Variants in RBFOX1 observed in about 807,000 individuals in gnomAD.
RBFOX1 encodes RNA binding protein fox-1 homolog 1.
RBFOX1 carries 8 observed loss-of-function variants against 57.7 expected under a neutral mutation model. That is an observed-to-expected ratio of 0.14 (90% CI 0.08 to 0.25). RBFOX1 has a LOEUF of 0.25. RBFOX1 is among the 10% of genes least tolerant of loss of function. The pLI is 1.00. For missense variants in RBFOX1, 611 were observed against 548.5 expected, an observed-to-expected ratio of 1.11 and a Z score of -1.14; for synonymous variants, 326 against 222.4, an observed-to-expected ratio of 1.47 and a Z score of -4.15.
At chr16:5,637,230 A>G (rs1258803941) in intron 3 of RBFOX1, among the ~76,000 whole-genome samples, 1 of 152,246 alleles carries the variant, frequency 6.6e-6, no homozygotes, top group East Asian at 1.9e-4. Context: ...TAGGCTTTCA[A>G]GCAGCCTCCA....
intron 1 of RBFOX1, among the ~76,000 whole-genome samples, chr16:5,365,623 C>T (rs1477314542): frequency 6.6e-6 from 1 of 152,106 alleles, no homozygotes; most frequent in Non-Finnish European, 1.5e-5. Flanking sequence ...GAGCCGATAT[C>T]GTGCACTGTA....
intron 3 of RBFOX1, among the ~76,000 whole-genome samples, chr16:6,859,121 A>ACATATATATG (rs1442946794): frequency 1.5e-5 from 1 of 64,574 alleles, no homozygotes; most frequent in African/African-American, 9.4e-5. Flanking sequence ...GTATATATAT[A>ACATATATATG]TATATATACA....
chr16:6,717,580 A>C (rs2065076360), intron 3 of RBFOX1, among the ~76,000 whole-genome samples: 1 of 149,242 alleles, frequency 6.7e-6, no homozygotes, highest in Non-Finnish European at 1.5e-5. Flanking sequence ...GAGATGCTGA[A>C]GTCTTTTTTT....
At chr16:6,808,375 T>C (rs1158304338) in intron 3 of RBFOX1, among the ~76,000 whole-genome samples, 1 of 152,036 alleles carries the variant, frequency 6.6e-6, no homozygotes, top group Non-Finnish European at 1.5e-5. Flanking sequence ...CTCCCTTCAA[T>C]GCCTAAAGTA....
intron 2 of RBFOX1, among the ~76,000 whole-genome samples, chr16:5,518,646 A>G (rs144164807): frequency 3.4e-4 from 52 of 152,292 alleles, no homozygotes; most frequent in African/African-American, 1.1e-3. Context: ...AGTGGTTCAT[A>G]TTAGTGGGTT....
chr16:6,317,231 T>C (rs1344205572), intron 2 of RBFOX1, among the ~76,000 whole-genome samples, 174 bp downstream of exon 2: 1 of 152,194 alleles, frequency 6.6e-6, no homozygotes, highest in Non-Finnish European at 1.5e-5. Flanking sequence ...GCCTGCAAGG[T>C]AGAACCACCC....
intron 2 of RBFOX1, among the ~76,000 whole-genome samples, chr16:6,557,028 TATATACAC>T (rs1238126610): frequency 5.9e-5 from 8 of 134,610 alleles, no homozygotes; most frequent in Non-Finnish European, 1.1e-4. Flanking sequence ...TATATATACA[TATATACAC>T]ATATATATAC....
intron 1 of RBFOX1, among the ~76,000 whole-genome samples, chr16:5,345,321 AC>A (rs2065116914): frequency 6.6e-6 from 1 of 151,982 alleles, no homozygotes; most frequent in Non-Finnish European, 1.5e-5. Flanking sequence ...CCATGCCCTT[AC>A]CCTTTTCCCC....
intron 3 of RBFOX1, among the ~76,000 whole-genome samples, chr16:5,631,698 C>G (rs868439891): frequency 1.3e-5 from 2 of 152,166 alleles, no homozygotes; most frequent in African/African-American, 4.8e-5. Flanking sequence ...TTGCCTTCCC[C>G]TACCCTCATT....
chr16:6,575,459 G>C (rs1388882728), intron 2 of RBFOX1, among the ~76,000 whole-genome samples: 1 of 152,164 alleles, frequency 6.6e-6, no homozygotes, highest in Non-Finnish European at 1.5e-5. Context: ...AGTTCCTGCA[G>C]CACATTTCTG....
At chr16:7,461,905 C>G (rs1040287158) in intron 4 of RBFOX1, among the ~76,000 whole-genome samples, 1 of 152,178 alleles carries the variant, frequency 6.6e-6, no homozygotes, top group Non-Finnish European at 1.5e-5. Context: ...GTACCCACTC[C>G]AGAGAGACTT....
intron 4 of RBFOX1, among the ~76,000 whole-genome samples, chr16:7,200,591 C>T (rs1184326098): frequency 1.3e-5 from 2 of 152,188 alleles, no homozygotes; most frequent in South Asian, 2.1e-4. Context: ...GTGACAGAAA[C>T]TGCCAGCTGT....
chr16:5,363,330 C>A (rs1438338277), intron 1 of RBFOX1, among the ~76,000 whole-genome samples: 1 of 152,062 alleles, frequency 6.6e-6, no homozygotes, highest in Non-Finnish European at 1.5e-5. Context: ...CAGGCATAAG[C>A]CACCGTGTCC....
At chr16:6,304,474 G>A (rs1002416636) in intron 1 of RBFOX1, among the ~76,000 whole-genome samples, 6 of 152,070 alleles carry the variant, frequency 3.9e-5, no homozygotes, top group East Asian at 1.9e-4. Context: ...TATTGCTAAC[G>A]GAGGAGGAGG....
intron 12 of RBFOX1, among the ~76,000 whole-genome samples, chr16:7,659,487 C>T (rs1568328737): frequency 6.6e-6 from 1 of 152,150 alleles, no homozygotes; most frequent in Non-Finnish European, 1.5e-5. Context: ...ATACTTTAGA[C>T]ACAGGGGCGT....
chr16:6,806,526 C>A (rs945107641), intron 3 of RBFOX1, among the ~76,000 whole-genome samples: 1 of 151,978 alleles, frequency 6.6e-6, no homozygotes, highest in Admixed American at 6.6e-5. Context: ...TGAATGAGTT[C>A]ACCATCTTAC....
intron 4 of RBFOX1, among the ~76,000 whole-genome samples, chr16:7,084,684 C>T (rs745426845): frequency 6.6e-6 from 1 of 152,144 alleles, no homozygotes; most frequent in Admixed American, 6.5e-5. Context: ...TGCTCACTTG[C>T]CCTAAGTGAA....
At chr16:6,859,631 C>A (rs138690088) in intron 3 of RBFOX1, among the ~76,000 whole-genome samples, 4 of 152,076 alleles carry the variant, frequency 2.6e-5, no homozygotes, top group East Asian at 3.9e-4. Context: ...GTGTCGATAA[C>A]CTCCATGGAA....
chr16:5,503,677 G>A (rs2043279107), intron 2 of RBFOX1, among the ~76,000 whole-genome samples: 1 of 152,084 alleles, frequency 6.6e-6, no homozygotes, highest in African/African-American at 2.4e-5. Flanking sequence ...CTCCTGACCT[G>A]AGGTGATCCA....
Sources: gnomAD v4.1 joint callset for allele counts (sites outside exome capture counted in the v4.1 genomes callset) on GRCh38, gnomAD v4.1.1 for gene constraint, MANE v1.5 for transcripts, NCBI Gene and HGNC (gene_info 2026-07-23, HGNC 2026-07-21) for gene names.